The following IL1RAPL1 variants were observed in gnomAD, a reference collection of about 807,000 sequenced individuals.
The protein encoded by IL1RAPL1 is interleukin 1 receptor accessory protein like 1, also known as interleukin-1 receptor accessory protein-like 1.
In IL1RAPL1, 3 loss-of-function variants were observed where a neutral mutation model predicts 48.4. That is an observed-to-expected ratio of 0.06 (90% confidence interval 0.03 to 0.16). IL1RAPL1 has a LOEUF of 0.16. Ranked by LOEUF, IL1RAPL1 falls within the 10% of genes least tolerant of loss-of-function variation. IL1RAPL1 has a pLI of 1.00. For synonymous variants in IL1RAPL1, 185 were observed against 187.7 expected, an observed-to-expected ratio of 0.99 and a Z score of 0.12; for missense variants, 349 against 530.6, an observed-to-expected ratio of 0.66 and a Z score of 3.36.
In IL1RAPL1 at chrX:29,217,769, TCTCTCTCTCACACA is replaced by T. The variant is rs1445533849; in HGVS notation, c.83-65167_83-65154del. On this transcript the variant is annotated intron_variant, in intron 2 of 10. Transcript: ENST00000378993. Reference sequence around the variant, plus strand: ...TTTATACATTTTTTCTCTCTCTCTCTCTCTCTCTCACACACACACACACACACACACACACACAC... The same window carrying T: ...TTTATACATTTTTTCTCTCTCTCTCTCACACACACACACACACACACACAC... Among the ~76,000 whole-genome samples the T allele has an allele frequency of 6.9e-3, 491 of 71,106 alleles. 8 individuals carry two copies. The highest frequency in any genetic ancestry group is 0.024 in the African/African-American group (471 of 19,691). 61.7% of individuals were successfully genotyped at this position (71,106 alleles called of 115,157 possible). A position where few individuals can be genotyped will look rare whatever the true frequency, so the allele number is the denominator to read the frequency against.
chrX:29,096,695 T>A (rs1030627657), intron 2 of IL1RAPL1, among the ~76,000 whole-genome samples: 18 of 110,537 alleles, frequency 1.6e-4, no homozygotes, highest in African/African-American at 5.5e-4. Flanking sequence ...GTAAGAAATT[T>A]AAAAAAATTA....
At chrX:29,280,012 T>G (rs1380486530) in intron 2 of IL1RAPL1, among the ~76,000 whole-genome samples, 1 of 112,072 alleles carries the variant, frequency 8.9e-6, no homozygotes, top group Non-Finnish European at 1.9e-5. Context: ...TTTCAGCCTT[T>G]TTCACTAGCA....
chrX:29,411,557 C>T (rs1230581320), intron 5 of IL1RAPL1, among the ~76,000 whole-genome samples: 1 of 111,244 alleles, frequency 9.0e-6, no homozygotes, highest in African/African-American at 3.3e-5. Context: ...TTATAATAAC[C>T]CTGCCAGTGT....
intron 5 of IL1RAPL1, among the ~76,000 whole-genome samples, chrX:29,544,445 C>T (rs981823931): frequency 9.0e-6 from 1 of 111,434 alleles, no homozygotes; most frequent in Admixed American, 9.5e-5. Flanking sequence ...TATCTGTGTG[C>T]ATATAAATGG....
chrX:29,500,364 G>A (rs1160712920), intron 5 of IL1RAPL1, among the ~76,000 whole-genome samples: 1 of 111,911 alleles, frequency 8.9e-6, no homozygotes, highest in Non-Finnish European at 1.9e-5. Flanking sequence ...CAAACACTAA[G>A]TCTTATTTCT....
chrX:29,479,106 G>T (rs1347594243), intron 5 of IL1RAPL1, among the ~76,000 whole-genome samples: 1 of 107,570 alleles, frequency 9.3e-6, no homozygotes, highest in Non-Finnish European at 1.9e-5. Flanking sequence ...TCTTTTAAAT[G>T]AACAAAAGAA....
chrX:29,238,398 ACTT>A (rs1402101146), intron 2 of IL1RAPL1, among the ~76,000 whole-genome samples: 4 of 111,739 alleles, frequency 3.6e-5, no homozygotes, highest in Non-Finnish European at 5.6e-5. Flanking sequence ...TATTATCCAG[ACTT>A]CTTATTTGTT....
At chrX:28,768,713 C>G (rs7890826) in intron 1 of IL1RAPL1, among the ~76,000 whole-genome samples, 3,618 of 57,386 alleles carry the variant, frequency 0.063, 149 homozygotes, top group African/African-American at 0.096. Flanking sequence ...TTCTCTCTCT[C>G]TCTCTCTCTC....
At chrX:29,762,732 C>T (rs146717207) in intron 6 of IL1RAPL1, among the ~76,000 whole-genome samples, 54 of 111,814 alleles carry the variant, frequency 4.8e-4, no homozygotes, top group African/African-American at 1.6e-3. Context: ...GCAACTGATG[C>T]GAATTTTGCT....
chrX:29,914,117 T>C (rs545209375), intron 6 of IL1RAPL1, among the ~76,000 whole-genome samples: 1 of 111,458 alleles, frequency 9.0e-6, no homozygotes, highest in South Asian at 3.8e-4. Context: ...GCACTGTAGA[T>C]ACACTCAGTA....
chrX:28,653,306 C>T (rs1934707802), intron 1 of IL1RAPL1, among the ~76,000 whole-genome samples: 1 of 110,683 alleles, frequency 9.0e-6, no homozygotes, highest in African/African-American at 3.3e-5. Context: ...GAAACCCTGT[C>T]TCTACTAAAA....
At chrX:29,242,806 T>C (rs1931445279) in intron 2 of IL1RAPL1, among the ~76,000 whole-genome samples, 1 of 112,267 alleles carries the variant, frequency 8.9e-6, no homozygotes, top group Non-Finnish European at 1.9e-5. Flanking sequence ...ATTTTTCCAT[T>C]TTAGAAATGA....
chrX:28,856,920 G>C (rs866822111), intron 2 of IL1RAPL1, among the ~76,000 whole-genome samples: 8 of 112,348 alleles, frequency 7.1e-5, no homozygotes, highest in Non-Finnish European at 1.3e-4. Flanking sequence ...AGAAAGCATG[G>C]TGAAAGCTGA....
intron 6 of IL1RAPL1, among the ~76,000 whole-genome samples, chrX:29,671,242 G>A (rs187547865): frequency 1.3e-3 from 141 of 111,674 alleles, no homozygotes; most frequent in Non-Finnish European, 1.7e-3. Flanking sequence ...TTTGCTAGCC[G>A]TGCCTACCTT....
intron 2 of IL1RAPL1, among the ~76,000 whole-genome samples, chrX:28,803,205 G>A (rs1226565063): frequency 6.3e-5 from 7 of 111,633 alleles, no homozygotes; most frequent in Admixed American, 3.8e-4. Flanking sequence ...TTAAGGTCTT[G>A]TCATTTTAAT....
chrX:29,727,038 C>G (rs924433503), intron 6 of IL1RAPL1, among the ~76,000 whole-genome samples: 1 of 111,404 alleles, frequency 9.0e-6, no homozygotes, highest in Non-Finnish European at 1.9e-5. Flanking sequence ...CTGTGCTATT[C>G]AGAACTAAAT....
At chrX:29,571,294 T>C (rs1922591187) in intron 5 of IL1RAPL1, among the ~76,000 whole-genome samples, 3 of 111,664 alleles carry the variant, frequency 2.7e-5, no homozygotes, top group African/African-American at 9.8e-5. Context: ...ATTTTAATGC[T>C]GATTTGAAGC....
At chrX:28,662,866 G>T (rs1934837569) in intron 1 of IL1RAPL1, among the ~76,000 whole-genome samples, 1 of 111,190 alleles carries the variant, frequency 9.0e-6, no homozygotes, top group Non-Finnish European at 1.9e-5. Flanking sequence ...TAGTACTGTT[G>T]CCATTTCACA....
intron 6 of IL1RAPL1, among the ~76,000 whole-genome samples, chrX:29,809,667 G>A (rs1295907487): frequency 9.1e-6 from 1 of 110,147 alleles, no homozygotes; most frequent in African/African-American, 3.3e-5. Context: ...AGTTTTTATT[G>A]TGGTGGTTGT....
Sources: allele counts gnomAD v4.1 joint callset (sites outside exome capture counted in the v4.1 genomes callset), GRCh38; gene constraint gnomAD v4.1.1; transcripts MANE v1.5; gene names NCBI Gene and HGNC (gene_info 2026-07-23, HGNC 2026-07-21).